Variants in SCFD2 observed in about 807,000 individuals in gnomAD.
The protein encoded by SCFD2 is sec1 family domain containing 2.
A neutral mutation model predicts 58.9 loss-of-function variants in SCFD2; 54 were observed. The observed-to-expected ratio is 0.92, with a 90% CI of 0.74 to 1.15. The LOEUF is 1.15. Among genes scored for constraint, SCFD2 ranks in the 50% most tolerant of loss-of-function variants. SCFD2 has a pLI of 0.00. For missense variants in SCFD2, 805 were observed against 836.6 expected, an observed-to-expected ratio of 0.96 and a Z score of 0.47; for synonymous variants, 321 against 335.9, an observed-to-expected ratio of 0.96 and a Z score of 0.49.
At chr4:53,336,294 C>T (rs1012804036) in intron 2 of SCFD2, among the ~76,000 whole-genome samples, 1 of 151,972 alleles carries the variant, frequency 6.6e-6, no homozygotes, top group Non-Finnish European at 1.5e-5. Context: ...TAAAGACAAT[C>T]CTGATAGAAA....
intron 3 of SCFD2, among the ~76,000 whole-genome samples, chr4:53,301,619 A>C (rs369673661): frequency 6.6e-6 from 1 of 152,136 alleles, no homozygotes; most frequent in African/African-American, 2.4e-5. Flanking sequence ...GCATCATCCT[A>C]ATACCAAAGC....
chr4:53,035,956 C>T (rs1722747644), intron 5 of SCFD2, among the ~76,000 whole-genome samples: 1 of 151,988 alleles, frequency 6.6e-6, no homozygotes, highest in Non-Finnish European at 1.5e-5. Flanking sequence ...TACCATTGAC[C>T]CAGCAATCCC....
intron 4 of SCFD2, among the ~76,000 whole-genome samples, chr4:53,229,008 C>A (rs1325391708): frequency 6.6e-6 from 1 of 152,136 alleles, no homozygotes; most frequent in Non-Finnish European, 1.5e-5. Flanking sequence ...CATGAGTGAA[C>A]TCCCATTCAC....
chr4:53,353,172 G>C (rs1005207901), intron 1 of SCFD2, among the ~76,000 whole-genome samples: 3 of 152,148 alleles, frequency 2.0e-5, no homozygotes, highest in Non-Finnish European at 4.4e-5. Flanking sequence ...CTTCCTTCTG[G>C]TGGGTTCGTG....
chr4:53,363,544 T>G (rs989712175), intron 1 of SCFD2, among the ~76,000 whole-genome samples: 1 of 151,992 alleles, frequency 6.6e-6, no homozygotes, highest in African/African-American at 2.4e-5. Flanking sequence ...TTATTCTGTA[T>G]GTTTAAAAAA....
At chr4:53,201,776 T>C (rs1202783137) in intron 4 of SCFD2, among the ~76,000 whole-genome samples, 1 of 152,220 alleles carries the variant, frequency 6.6e-6, no homozygotes, top group East Asian at 1.9e-4. Context: ...TGATGGCCAG[T>C]GATGATGAGC....
chr4:53,200,251 A>G (rs563210650), intron 4 of SCFD2, among the ~76,000 whole-genome samples: 8 of 152,084 alleles, frequency 5.3e-5, no homozygotes, highest in Admixed American at 2.0e-4. Context: ...ATTATTCTGC[A>G]CCTGATCCTT....
intron 7 of SCFD2, among the ~76,000 whole-genome samples, chr4:52,889,945 T>C (rs937460261): frequency 6.6e-6 from 1 of 151,538 alleles, no homozygotes; most frequent in Non-Finnish European, 1.5e-5. Context: ...TGTTTGTGCT[T>C]AGTACTTAGC....
At chr4:53,128,671 A>G (rs184075873) in intron 5 of SCFD2, among the ~76,000 whole-genome samples, 150 of 152,346 alleles carry the variant, frequency 9.8e-4, no homozygotes, top group Non-Finnish European at 1.7e-3. Context: ...GGTGCCTTGA[A>G]ATATGTTTCT....
chr4:53,087,137 A>G (rs1474406575), intron 5 of SCFD2, among the ~76,000 whole-genome samples: 2 of 152,188 alleles, frequency 1.3e-5, no homozygotes, highest in Non-Finnish European at 2.9e-5. Context: ...GTACCCCATA[A>G]ACATATACAC....
At chr4:53,263,710 G>A (rs1730896884) in intron 4 of SCFD2, among the ~76,000 whole-genome samples, 2 of 152,198 alleles carry the variant, frequency 1.3e-5, no homozygotes, top group Non-Finnish European at 2.9e-5. Flanking sequence ...TTAGCGCACT[G>A]TTTTCTTTTG....
intron 4 of SCFD2, among the ~76,000 whole-genome samples, chr4:53,254,859 T>C (rs866176713): frequency 1.2e-4 from 12 of 100,546 alleles, no homozygotes; most frequent in African/African-American, 4.2e-4. Context: ...TATTTTATTT[T>C]ATTTATTTTA....
chr4:52,931,685 A>G (rs1009335165), intron 5 of SCFD2, among the ~76,000 whole-genome samples: 4 of 152,206 alleles, frequency 2.6e-5, no homozygotes, highest in African/African-American at 9.7e-5. Context: ...TTAGCAGGAA[A>G]TAGTATTTCC....
intron 4 of SCFD2, among the ~76,000 whole-genome samples, chr4:53,258,538 G>GTGTATATATA (rs1360142906): frequency 4.2e-5 from 5 of 119,940 alleles, no homozygotes; most frequent in South Asian, 2.8e-4. Context: ...TGGTGTGTGT[G>GTGTATATATA]TATATATATA....
At chr4:53,169,881 T>C (rs529562759) in intron 4 of SCFD2, among the ~76,000 whole-genome samples, 1 of 152,320 alleles carries the variant, frequency 6.6e-6, no homozygotes, top group African/African-American at 2.4e-5. Context: ...GTTAATTGGA[T>C]TGTTTCTTAC....
intron 4 of SCFD2, among the ~76,000 whole-genome samples, chr4:53,251,012 A>G (rs568004474): frequency 6.6e-6 from 1 of 152,346 alleles, no homozygotes; most frequent in South Asian, 2.1e-4. Flanking sequence ...GAAAAGAGAG[A>G]AGAATCAAAT....
intron 2 of SCFD2, among the ~76,000 whole-genome samples, chr4:53,319,081 A>G (rs1732947592): frequency 1.3e-5 from 2 of 152,226 alleles, no homozygotes; most frequent in Admixed American, 1.3e-4. Flanking sequence ...AATTATGCAG[A>G]ACGTCAATTG....
At chr4:53,171,306 AT>A (rs1307920423) in intron 4 of SCFD2, among the ~76,000 whole-genome samples, 1 of 152,170 alleles carries the variant, frequency 6.6e-6, no homozygotes, top group Non-Finnish European at 1.5e-5. Context: ...TTAATGTGCT[AT>A]TTCACATTTT....
intron 4 of SCFD2, among the ~76,000 whole-genome samples, chr4:53,270,389 C>A (rs1049310764): frequency 1.3e-5 from 2 of 151,872 alleles, no homozygotes; most frequent in Non-Finnish European, 2.9e-5. Flanking sequence ...CAAAACAAAA[C>A]CTCAGCAAAC....
Sources: allele counts gnomAD v4.1 joint callset (sites outside exome capture counted in the v4.1 genomes callset), GRCh38; gene constraint gnomAD v4.1.1; transcripts MANE v1.5; gene names NCBI Gene and HGNC (gene_info 2026-07-23, HGNC 2026-07-21).